Variants in HECW1 observed in about 807,000 individuals in gnomAD.
HECW1 encodes the protein HECT, C2 and WW domain containing E3 ubiquitin protein ligase 1.
HECW1 carries 61 observed loss-of-function variants against 182.3 expected under a neutral mutation model. The observed-to-expected ratio is 0.33, with a 90% CI of 0.27 to 0.41. The LOEUF (loss-of-function observed/expected upper bound fraction) is 0.41, where lower values mean the gene tolerates loss of function less well. Among genes scored for constraint, HECW1 ranks in the 10% least tolerant of loss-of-function variants. The pLI, the probability that HECW1 is intolerant of heterozygous loss-of-function variation, is 1.00. For missense variants in HECW1, 1,739 were observed against 2,108.9 expected (o/e 0.82, Z 3.44); for synonymous variants, 859 against 832.6 (o/e 1.03, Z -0.55).
At chr7:43,509,836 C>T (rs2079775586) in intron 24 of HECW1, 1 of 152,234 alleles carries the variant, frequency 6.6e-6, no homozygotes, top group Non-Finnish European at 1.5e-5. Context: ...GAAATGAGTC[C>T]TGGAGATGGC....
chr7:43,426,842 T>G (rs1293621529), intron 8 of HECW1, among the ~76,000 whole-genome samples: 2 of 152,128 alleles, frequency 1.3e-5, no homozygotes, highest in African/African-American at 4.8e-5. Flanking sequence ...CTGGAAAATA[T>G]TCATTATATA....
At chr7:43,463,163 A>T (rs1441921709) in intron 13 of HECW1, among the ~76,000 whole-genome samples, 1 of 152,214 alleles carries the variant, frequency 6.6e-6, no homozygotes, top group African/African-American at 2.4e-5. Flanking sequence ...AATAAGCAGA[A>T]AACATTTATT....
chr7:43,174,046 G>T (rs1282930204), intron 2 of HECW1, among the ~76,000 whole-genome samples: 2 of 151,666 alleles, frequency 1.3e-5, no homozygotes, highest in Non-Finnish European at 2.9e-5. Flanking sequence ...TTGCTTTTTT[G>T]GCCAGGCTGA....
Position 43,196,839 on chromosome 7 carries a change from C to T in HECW1, c.-31-47036C>T, listed in dbSNP as rs139465175. Among the ~76,000 whole-genome samples the T allele has an allele frequency of 9.5e-4, 144 of 152,180 alleles. 1 individual carries two copies. The highest frequency in any genetic ancestry group is 3.3e-3 in the African/African-American group (139 of 41,510). On this transcript the variant is annotated intron_variant, in intron 2 of 29. Coordinates refer to ENST00000395891, the MANE Select transcript of HECW1 (RefSeq NM_015052.5). ...ATGAAGAATAATTTGTAATATTTTA[C>T]ATTCATGTGCATCAGAAAGTGAGAA...
At chr7:43,417,061 A>G (rs1004437989) in intron 8 of HECW1, among the ~76,000 whole-genome samples, 3 of 151,988 alleles carry the variant, frequency 2.0e-5, no homozygotes, top group Non-Finnish European at 4.4e-5. Context: ...TCATTTATTT[A>G]TTTTTTGAGG....
intron 6 of HECW1, among the ~76,000 whole-genome samples, chr7:43,388,515 G>A (rs1188895400): frequency 2.0e-5 from 3 of 152,208 alleles, no homozygotes; most frequent in Non-Finnish European, 4.4e-5. Context: ...ATTATCAAAC[G>A]TGAAGCAGTG....
rs755080230 is a variant in HECW1, at chr7:43,445,483, G to A, written c.2311G>A (p.Asp771Asn). ...ESTNGAGPWQ[D>N]ELAAPSGHVE... ...CACGAACGGCGCTGGGCCGTGGCAA[G>A]ACGAGCTGGCCGCCCCTAGCGGGCA... Residue 771 changes from aspartate (D) to asparagine (N), a missense_variant, in exon 11 of 30, where the codon GAC becomes AAC. Asp to Asn is a conservative substitution (Grantham distance 23). This residue lies in a region of HECW1 where 971 missense variants were observed against 1,029.1 expected (regional missense o/e 0.94). Transcript: ENST00000395891. 23 of 1,612,120 alleles carry A rather than the reference G, an allele frequency of 1.4e-5. No homozygotes were observed. The South Asian group carries it at 2.2e-4, about 15-fold the overall frequency.
chr7:43,304,913 G>A (rs1209345126), intron 3 of HECW1, among the ~76,000 whole-genome samples: 1 of 152,134 alleles, frequency 6.6e-6, no homozygotes, highest in Non-Finnish European at 1.5e-5. Context: ...TAAGTAGAGG[G>A]GACTGACAAA....
intron 3 of HECW1, among the ~76,000 whole-genome samples, chr7:43,289,290 A>C (rs1351647793): frequency 6.6e-6 from 1 of 151,872 alleles, no homozygotes; most frequent in Non-Finnish European, 1.5e-5. Flanking sequence ...TATTTTTAGT[A>C]AAGACGGGGT....
At chr7:43,332,631 G>A (rs1192736437) in intron 5 of HECW1, among the ~76,000 whole-genome samples, 1 of 152,204 alleles carries the variant, frequency 6.6e-6, no homozygotes, top group East Asian at 1.9e-4. Flanking sequence ...CAGCAGATGG[G>A]AGCAAAGGCG....
intron 6 of HECW1, among the ~76,000 whole-genome samples, chr7:43,384,804 G>T (rs1279298479): frequency 3.3e-5 from 5 of 152,154 alleles, no homozygotes; most frequent in African/African-American, 4.8e-5. Flanking sequence ...TATGCAAAAT[G>T]CAGCCCTTGT....
At chr7:43,315,456 ATTATTATTG>A (rs138572343) in intron 4 of HECW1, among the ~76,000 whole-genome samples, 8,598 of 122,526 alleles carry the variant, frequency 0.07, 851 homozygotes, top group African/African-American at 0.33. Context: ...CTCCCGTCCC[ATTATTATTG>A]TTATTATTAT....
chr7:43,273,450 T>C (rs887817551), intron 3 of HECW1, among the ~76,000 whole-genome samples: 1 of 151,934 alleles, frequency 6.6e-6, no homozygotes, highest in Non-Finnish European at 1.5e-5. Context: ...TAAATAATAG[T>C]GATAGAATAA....
chr7:43,356,187 T>G (rs1048061093), intron 5 of HECW1, among the ~76,000 whole-genome samples: 1 of 152,044 alleles, frequency 6.6e-6, no homozygotes, highest in African/African-American at 2.4e-5. Context: ...AAGACACATA[T>G]AGACTGAAAG....
At chr7:43,375,761 C>G (rs2074296050) in intron 6 of HECW1, among the ~76,000 whole-genome samples, 1 of 151,552 alleles carries the variant, frequency 6.6e-6, no homozygotes, top group African/African-American at 2.4e-5. Context: ...GGCATGATAG[C>G]ATGTGCCTGT....
intron 2 of HECW1, among the ~76,000 whole-genome samples, chr7:43,222,720 T>A (rs1413474163): frequency 6.6e-6 from 1 of 152,160 alleles, no homozygotes; most frequent in Non-Finnish European, 1.5e-5. Flanking sequence ...ATTCAGTCTA[T>A]CTTCCCATGG....
intron 2 of HECW1, among the ~76,000 whole-genome samples, chr7:43,222,528 A>G (rs1050515152): frequency 3.3e-5 from 5 of 152,182 alleles, no homozygotes; most frequent in African/African-American, 1.2e-4. Context: ...GAAATGTACA[A>G]TGCATCTTTC....
At chr7:43,307,903 T>C (rs1216583616) in intron 3 of HECW1, among the ~76,000 whole-genome samples, 18 of 135,922 alleles carry the variant, frequency 1.3e-4, no homozygotes, top group Non-Finnish European at 2.1e-4. Context: ...TATACACATA[T>C]ATATATATAT....
In HECW1 at chr7:43,381,724, A is replaced by G. The variant is rs185740186; in HGVS notation, c.556-15090A>G. On this transcript the variant is annotated intron_variant, in intron 6 of 29. Coordinates refer to ENST00000395891, the MANE Select transcript of HECW1 (RefSeq NM_015052.5). Reference sequence around the variant, plus strand: ...TTTTCAGTAGAGACAGAGTTTCACCATGTTGGCTAGGCTGGTCGCAAACTC... The same window carrying G: ...TTTTCAGTAGAGACAGAGTTTCACCGTGTTGGCTAGGCTGGTCGCAAACTC... 2.5e-3 allele frequency among the ~76,000 whole-genome samples: 373 copies of G among 152,202 alleles called. 1 individual carries two copies. Among genetic ancestry groups the G allele is most frequent in the African/African-American group, 8.3e-3 (344 of 41,546 alleles).
Sources: gnomAD v4.1 joint callset for allele counts (sites outside exome capture counted in the v4.1 genomes callset) on GRCh38, gnomAD v4.1.1 for gene constraint, gnomAD v4.1.1 regional missense constraint, MANE v1.5 for transcripts, NCBI Gene and HGNC (gene_info 2026-07-23, HGNC 2026-07-21) for gene names.